Variants in CCN4 observed in about 807,000 individuals in gnomAD.
CCN4 encodes cellular communication network factor 4.
Under a neutral mutation model 36.7 loss-of-function variants are expected in CCN4, and 30 were observed. The observed-to-expected ratio is 0.82, with a 90% confidence interval of 0.61 to 1.11. The LOEUF (loss-of-function observed/expected upper bound fraction) is 1.11, where lower values mean the gene tolerates loss of function less well. CCN4 is among the 50% of genes least tolerant of loss of function. The pLI is 0.00. For missense variants in CCN4, 505 were observed against 504.9 expected (o/e 1.00, Z 0.00); for synonymous variants, 191 against 195.4 (o/e 0.98, Z 0.19).
chr8:133,196,538 G>A (rs1564250082), intron 1 of CCN4, among the ~76,000 whole-genome samples: 1 of 152,064 alleles, frequency 6.6e-6, no homozygotes, highest in Non-Finnish European at 1.5e-5. Flanking sequence ...ACTAGATGGT[G>A]TCGGCCTAGA....
chr8:133,227,229 G>C (rs1242895190), intron 4 of CCN4, among the ~76,000 whole-genome samples, 182 bp from the exon 5 acceptor site: 1 of 152,210 alleles, frequency 6.6e-6, no homozygotes, highest in East Asian at 1.9e-4. Flanking sequence ...ATTTACCCCT[G>C]TGCGGTATGC....
At chr8:133,201,821 C>T (rs1253728056) in intron 1 of CCN4, among the ~76,000 whole-genome samples, 8 of 150,542 alleles carry the variant, frequency 5.3e-5, no homozygotes, top group African/African-American at 1.2e-4. Context: ...CCAGCCTAGA[C>T]GATACACTCA....
At chr8:133,199,878 C>A (rs776396728) in intron 1 of CCN4, among the ~76,000 whole-genome samples, 61 of 152,290 alleles carry the variant, frequency 4.0e-4, no homozygotes, top group Admixed American at 7.2e-4. Flanking sequence ...TCCCACAGGT[C>A]TCATCTGATG....
In CCN4 at chr8:133,220,806, C is replaced by T; in HGVS notation, c.575C>T (p.Pro192Leu). ...GTATGTGAGGACGACGCCAAGAGGCCACGCAAGACCGCACCCCGTGACACA... is the reference window on the plus strand; with the variant it reads ...GTATGTGAGGACGACGCCAAGAGGCTACGCAAGACCGCACCCCGTGACACA... ...QWVCEDDAKR[P>L]RKTAPRDTGA... is the part of the protein sequence containing the mutation. Residue 192 changes from proline to leucine, a missense_variant, in exon 3 of 5, where the codon CCA becomes CTA. By Grantham distance (98) the Pro-to-Leu change is moderately conservative. Transcript: ENST00000250160. 6.2e-7 allele frequency: 1 copy of T among 1,608,398 alleles called. No individual in the cohort carries two copies. Among genetic ancestry groups the T allele is most frequent in the Non-Finnish European group, 8.5e-7 (1 of 1,176,900 alleles).
chr8:133,229,129 T>A lies in CCN4; in HGVS notation c.*1419T>A, dbSNP rs938735239. ...CGACAATGTTGAGAAGTTCCCATTA[T>A]TATTTCTGTTCTTACAAATGTGAAA... On this transcript the variant is annotated 3_prime_UTR_variant, in exon 5 of 5. Coordinates refer to ENST00000250160, the MANE Select transcript of CCN4 (RefSeq NM_003882.4). 8 of 152,194 alleles carry A rather than the reference T, an allele frequency of 5.3e-5. No individual in the cohort carries two copies. Among genetic ancestry groups the A allele is most frequent in the African/African-American group, 1.7e-4 (7 of 41,462 alleles). 9.4% of individuals were successfully genotyped at this position (152,194 alleles called of 1,614,324 possible). A position where few individuals can be genotyped will look rare whatever the true frequency, so the allele number is the denominator to read the frequency against.
intron 1 of CCN4, among the ~76,000 whole-genome samples, chr8:133,192,838 G>T (rs377120654): frequency 6.6e-6 from 1 of 152,326 alleles, no homozygotes; most frequent in African/African-American, 2.4e-5. Flanking sequence ...CGGTGCTGAG[G>T]AGGAGTGAAG....
At chr8:133,217,191 G>T (rs1040382648) in intron 2 of CCN4, among the ~76,000 whole-genome samples, 1 of 152,226 alleles carries the variant, frequency 6.6e-6, no homozygotes, top group Non-Finnish European at 1.5e-5. Flanking sequence ...GCTGAATAAA[G>T]AGTACAGCTC....
intron 1 of CCN4, among the ~76,000 whole-genome samples, chr8:133,200,716 C>T (rs1048889722): frequency 2.0e-5 from 3 of 152,132 alleles, no homozygotes; most frequent in African/African-American, 7.2e-5. Flanking sequence ...CAATGCTGAC[C>T]TCATGGGATT....
intron 1 of CCN4, among the ~76,000 whole-genome samples, chr8:133,205,495 G>A (rs569848329): frequency 3.8e-4 from 58 of 152,256 alleles, no homozygotes; most frequent in African/African-American, 1.2e-3. Flanking sequence ...CCATATGACA[G>A]TGTGTTTGCA....
chr8:133,220,546 G>A (rs755233358), intron 2 of CCN4, 35 bp from the exon 3 acceptor site: 10 of 1,597,302 alleles, frequency 6.3e-6, no homozygotes, highest in African/African-American at 1.3e-5. Flanking sequence ...GGGGCACCAA[G>A]GCCACTGGGC....
At chr8:133,213,375 G>C (rs1167197225) in intron 2 of CCN4, among the ~76,000 whole-genome samples, 1 of 152,072 alleles carries the variant, frequency 6.6e-6, no homozygotes, top group Non-Finnish European at 1.5e-5. Context: ...TCTCAGTCCT[G>C]GAGGCACATT....
intron 1 of CCN4, among the ~76,000 whole-genome samples, chr8:133,196,457 C>G (rs1473212806): frequency 6.6e-6 from 1 of 152,198 alleles, no homozygotes; most frequent in Admixed American, 6.5e-5. Flanking sequence ...TAAACTTCAT[C>G]TGTTTCGTAT....
At chr8:133,210,939 G>A (rs1353661216) in intron 1 of CCN4, among the ~76,000 whole-genome samples, 1 of 152,236 alleles carries the variant, frequency 6.6e-6, no homozygotes, top group East Asian at 1.9e-4. Context: ...CTTGAGGTAG[G>A]GAAAGGGTGG....
intron 1 of CCN4, among the ~76,000 whole-genome samples, chr8:133,204,320 G>A (rs777260627): frequency 3.9e-5 from 6 of 152,210 alleles, no homozygotes; most frequent in South Asian, 2.1e-4. Context: ...GCAGGTCTGC[G>A]TGAACTGCTG....
chr8:133,213,590 C>G (rs934323762), intron 2 of CCN4, among the ~76,000 whole-genome samples: 3 of 151,476 alleles, frequency 2.0e-5, no homozygotes, highest in Non-Finnish European at 4.4e-5. Context: ...AAATCAGCAG[C>G]CTGCAGTCAT....
chr8:133,219,277 C>G (rs992210989), intron 2 of CCN4, among the ~76,000 whole-genome samples: 3 of 152,206 alleles, frequency 2.0e-5, no homozygotes, highest in Non-Finnish European at 4.4e-5. Flanking sequence ...CCTTTTCCTT[C>G]TTGTCTCCCC....
At chr8:133,225,726 T>C (rs1377774658) in intron 4 of CCN4, 143 bp downstream of exon 4, 2 of 776,356 alleles carry the variant, frequency 2.6e-6, no homozygotes, top group Non-Finnish European at 3.8e-6. Context: ...TAACAGCTAT[T>C]TCGGATAATG....
Position 133,210,286 on chromosome 8 carries a change from T to A in CCN4, c.70-2578T>A, listed in dbSNP as rs887011812. ...CTCTGCCAAGAGCACGTCCTGAGTG[T>A]GGTGGCTCTGAGAGATGGTCTGCTA... On this transcript the variant is annotated intron_variant, in intron 1 of 4. Coordinates refer to ENST00000250160, the MANE Select transcript of CCN4 (RefSeq NM_003882.4). Among the ~76,000 whole-genome samples the A allele has an allele frequency of 2.6e-5, 4 of 151,992 alleles. No individual in the cohort carries two copies. The South Asian group carries it at 8.3e-4, about 32-fold the overall frequency.
intron 3 of CCN4, among the ~76,000 whole-genome samples, chr8:133,225,174 C>T (rs1309956817): frequency 6.6e-6 from 1 of 152,192 alleles, no homozygotes; most frequent in Admixed American, 6.5e-5. Context: ...TCCACACTGC[C>T]TCTCTTGATC....
Sources: allele counts gnomAD v4.1 joint callset (sites outside exome capture counted in the v4.1 genomes callset), GRCh38; gene constraint gnomAD v4.1.1; transcripts MANE v1.5; gene names NCBI Gene and HGNC (gene_info 2026-07-23, HGNC 2026-07-21).